EP300: variants seen among roughly 807,000 people sequenced by gnomAD.
The protein encoded by EP300 is EP300 lysine acetyltransferase.
EP300 carries 31 observed loss-of-function variants against 264.0 expected under a neutral mutation model. That is an observed-to-expected ratio of 0.12 (90% CI 0.09 to 0.16). The LOEUF (loss-of-function observed/expected upper bound fraction) is 0.16, where lower values mean the gene tolerates loss of function less well. Ranked by LOEUF, EP300 falls within the 10% of genes least tolerant of loss-of-function variation. The pLI is 1.00. For synonymous variants in EP300, 1,340 were observed against 1,045.4 expected, an observed-to-expected ratio of 1.28 and a Z score of -5.44; for missense variants, 2,766 against 3,052.9, an observed-to-expected ratio of 0.91 and a Z score of 2.21.
chr22:41,114,519 A>G (rs938671834), intron 1 of EP300, among the ~76,000 whole-genome samples: 1 of 152,152 alleles, frequency 6.6e-6, no homozygotes, highest in African/African-American at 2.4e-5. Flanking sequence ...TGATATTTCA[A>G]AAGGAAAGAG....
In EP300 at chr22:41,117,209, G is replaced by A; in HGVS notation, c.117G>A (p.Leu39=). 1 of 1,614,106 alleles carries A rather than the reference G, an allele frequency of 6.2e-7. No individual in the cohort carries two copies. The highest frequency in any genetic ancestry group is 8.5e-7 in the Non-Finnish European group (1 of 1,180,024). Residue 39 remains leucine (L), a synonymous_variant, in exon 2 of 31, where the codon TTG becomes TTA. Coordinates refer to ENST00000263253, the MANE Select transcript of EP300 (RefSeq NM_001429.4). ...TAGATTTTGGCTCTCTATTTGACTT[G>A]GAGCACGACTTACCAGATGAATTAA... is the stretch of plus-strand genomic sequence containing the variant. ...DGTDFGSLFD[L]EHDLPDELIN... is the part of the protein sequence containing the mutation.
intron 6 of EP300, among the ~76,000 whole-genome samples, chr22:41,135,491 C>G (rs538348472): frequency 1.3e-5 from 2 of 151,480 alleles, no homozygotes; most frequent in East Asian, 3.9e-4. Context: ...CTCAAGTTCC[C>G]TTTGTTTTTA....
At chr22:41,129,088 G>A (rs945347630) in intron 4 of EP300, among the ~76,000 whole-genome samples, 5 of 151,832 alleles carry the variant, frequency 3.3e-5, no homozygotes, top group South Asian at 2.1e-4. Context: ...TCAGCTCACC[G>A]CAAGCTCCGC....
rs2145517202 is a variant in EP300 at position 41,177,415 on chromosome 22, G to A, written c.5704G>A (p.Ala1902Thr). 2 of 1,614,112 alleles carry A rather than the reference G, an allele frequency of 1.2e-6. No homozygotes were observed. The highest frequency in any genetic ancestry group is 2.2e-5 in the East Asian group (1 of 44,882). Residue 1902 changes from alanine (A) to threonine (T), a missense_variant, in exon 31 of 31, where the codon GCA (alanine) becomes ACA (threonine). Coordinates refer to ENST00000263253, the MANE Select transcript of EP300 (RefSeq NM_001429.4). ...TGGCCCTGTGTCCCAGGGTAAGGCA[G>A]CAGGCCAGGTGACCCCTCCAACCCC... is the stretch of plus-strand genomic sequence containing the variant. ...AAGPVSQGKA[A>T]GQVTPPTPPQ...
intron 1 of EP300, among the ~76,000 whole-genome samples, chr22:41,100,843 T>A (rs1369296893): frequency 6.6e-6 from 1 of 152,038 alleles, no homozygotes; most frequent in African/African-American, 2.4e-5. Context: ...GGGACAACCA[T>A]ATATATATAG....
intron 1 of EP300, among the ~76,000 whole-genome samples, chr22:41,113,446 C>G (rs538645872): frequency 6.6e-6 from 1 of 151,998 alleles, no homozygotes; most frequent in African/African-American, 2.4e-5. Flanking sequence ...TGATTGTCTT[C>G]TTCATATTAA....
At chr22:41,164,161 ATT>A (rs1469111036) in intron 22 of EP300, 31 bp downstream of exon 22, 1 of 1,599,412 alleles carries the variant, frequency 6.3e-7, no homozygotes, top group East Asian at 2.2e-5. Context: ...TTTCTCTGGA[ATT>A]TTTCTTTATC....
chr22:41,180,053 T>TTAAA lies in EP300; in HGVS notation c.*1102_*1105dup, dbSNP rs2059235015. 4.3e-6 allele frequency: 1 copy of TTAAA among 230,262 alleles called. No individual in the cohort carries two copies. Among genetic ancestry groups the TTAAA allele is most frequent in the South Asian group, 1.8e-4 (1 of 5,504 alleles). The allele number at this position is 230,262 out of a possible 1,614,324, so 14.3% of individuals were successfully genotyped here. On this transcript the variant is annotated 3_prime_UTR_variant, in exon 31 of 31. Transcript: ENST00000263253. ...AAATTTGATTTCTTATTACCTATTG[T>TTAAA]TAAATAAACTGTGTGAGACAGACAC...
intron 2 of EP300, among the ~76,000 whole-genome samples, chr22:41,122,041 G>C (rs987553802): frequency 5.9e-5 from 9 of 151,480 alleles, no homozygotes; most frequent in African/African-American, 2.2e-4. Flanking sequence ...AGTCAGATTT[G>C]TAACTACCAA....
chr22:41,099,889 C>T (rs542591322), intron 1 of EP300, among the ~76,000 whole-genome samples: 1 of 152,138 alleles, frequency 6.6e-6, no homozygotes, highest in Non-Finnish European at 1.5e-5. Context: ...ATTCACTACC[C>T]GGTCAGGTGA....
At chr22:41,118,797 GA>G (rs34868121) in intron 2 of EP300, among the ~76,000 whole-genome samples, 135 of 86,200 alleles carry the variant, frequency 1.6e-3, no homozygotes, top group African/African-American at 1.7e-3. Context: ...TATTTAAGGG[GA>G]AAAAAAAAAA....
At chr22:41,145,236 A>ATT (rs1278683493) in intron 10 of EP300, among the ~76,000 whole-genome samples, 3 of 152,242 alleles carry the variant, frequency 2.0e-5, no homozygotes, top group Non-Finnish European at 4.4e-5. Context: ...TTGGATCCTG[A>ATT]TTCATTTTTC....
chr22:41,111,276 C>T (rs2058788828), intron 1 of EP300, among the ~76,000 whole-genome samples: 1 of 152,078 alleles, frequency 6.6e-6, no homozygotes, highest in Non-Finnish European at 1.5e-5. Flanking sequence ...GTGCCCGGCT[C>T]TACATTATTT....
chr22:41,147,298 C>G (rs945678099), intron 11 of EP300, among the ~76,000 whole-genome samples: 6 of 112,910 alleles, frequency 5.3e-5, no homozygotes, highest in Non-Finnish European at 9.7e-5. Context: ...AGCAAGACTT[C>G]GTCTCAAAAA....
chr22:41,123,487 C>G (rs184885790), intron 2 of EP300, among the ~76,000 whole-genome samples: 3 of 152,262 alleles, frequency 2.0e-5, no homozygotes, highest in African/African-American at 4.8e-5. Flanking sequence ...ACAGTCTGTA[C>G]AAGCACTGTG....
In EP300 at chr22:41,170,587, G is replaced by C. The variant is rs747318901; in HGVS notation, c.4452+16G>C. The C allele has an allele frequency of 6.2e-7, 1 of 1,613,108 alleles. No homozygotes were observed. The highest frequency in any genetic ancestry group is 1.3e-5 in the African/African-American group (1 of 74,932). ...TGACTACAAGGTCAGTTGGGACATA[G>C]GGGCCAGGTGCTGACAATAGATCTG... On this transcript the variant is annotated intron_variant, in intron 27 of 30. Transcript: ENST00000263253.
chr22:41,135,463 G>C (rs1415126180), intron 6 of EP300, among the ~76,000 whole-genome samples: 1 of 151,802 alleles, frequency 6.6e-6, no homozygotes, highest in Non-Finnish European at 1.5e-5. Context: ...TTTTTATTTA[G>C]AATTAGATTT....
At chr22:41,136,881 G>A (rs541143934) in intron 7 of EP300, among the ~76,000 whole-genome samples, 3 of 151,312 alleles carry the variant, frequency 2.0e-5, no homozygotes, top group African/African-American at 4.9e-5. Context: ...GCAACATGGC[G>A]AAATCCTGTC....
At chr22:41,151,272 A>T (rs978733240) in intron 14 of EP300, among the ~76,000 whole-genome samples, 26 of 152,278 alleles carry the variant, frequency 1.7e-4, no homozygotes, top group African/African-American at 2.9e-4. Flanking sequence ...GATCTGCTTG[A>T]TTTTATTCTT....
Sources: allele counts gnomAD v4.1 joint callset (sites outside exome capture counted in the v4.1 genomes callset), GRCh38; gene constraint gnomAD v4.1.1; transcripts MANE v1.5; gene names NCBI Gene and HGNC (gene_info 2026-07-23, HGNC 2026-07-21).